The following FOXO3 variants were observed in gnomAD, a reference collection of about 807,000 sequenced individuals.
The protein encoded by FOXO3 is forkhead box O3.
A neutral mutation model predicts 41.9 loss-of-function variants in FOXO3; 4 were observed. The observed-to-expected ratio is 0.10, with a 90% confidence interval of 0.05 to 0.22. The LOEUF (loss-of-function observed/expected upper bound fraction) is 0.22, where lower values mean the gene tolerates loss of function less well. FOXO3 is among the 10% of genes least tolerant of loss of function. The pLI is 1.00. For synonymous variants in FOXO3, 318 were observed against 389.3 expected (o/e 0.82, Z 2.16); for missense variants, 534 against 906.8 (o/e 0.59, Z 5.28).
intron 1 of FOXO3, among the ~76,000 whole-genome samples, chr6:108,569,623 G>T (rs1169370542): frequency 2.0e-5 from 3 of 152,190 alleles, no homozygotes; most frequent in Non-Finnish European, 4.4e-5. Context: ...CTGCTGGGCT[G>T]TGGTTCTTCT....
chr6:108,569,709 G>A (rs1428104949), intron 1 of FOXO3, among the ~76,000 whole-genome samples: 1 of 152,132 alleles, frequency 6.6e-6, no homozygotes, highest in East Asian at 1.9e-4. Context: ...CCACACCTTG[G>A]TGTCCAGATG....
At chr6:108,578,566 C>T (rs1776323808) in intron 1 of FOXO3, among the ~76,000 whole-genome samples, 1 of 152,230 alleles carries the variant, frequency 6.6e-6, no homozygotes, top group Admixed American at 6.5e-5. Context: ...GAGGAAACCA[C>T]ATGTTCACCT....
chr6:108,603,388 G>A (rs983750839), intron 1 of FOXO3, among the ~76,000 whole-genome samples: 1 of 152,024 alleles, frequency 6.6e-6, no homozygotes, highest in Non-Finnish European at 1.5e-5. Context: ...CTACATGTTT[G>A]CAGCTAAAGA....
chr6:108,592,176 T>C (rs1024312425), intron 1 of FOXO3, among the ~76,000 whole-genome samples: 3 of 152,194 alleles, frequency 2.0e-5, no homozygotes, highest in Admixed American at 6.5e-5. Context: ...CAGGGAAATA[T>C]GAAATGTTTT....
intron 1 of FOXO3, among the ~76,000 whole-genome samples, chr6:108,576,597 C>G (rs1217359067): frequency 6.6e-6 from 1 of 152,200 alleles, no homozygotes; most frequent in Non-Finnish European, 1.5e-5. Context: ...TTACAATTCT[C>G]ATTTTTAAGA....
At chr6:108,635,371 G>C (rs1358119406) in intron 1 of FOXO3, among the ~76,000 whole-genome samples, 1 of 152,126 alleles carries the variant, frequency 6.6e-6, no homozygotes, top group Non-Finnish European at 1.5e-5. Context: ...GTAGAAAAGA[G>C]ATGGAATGAG....
At chr6:108,583,666 C>CTT (rs1156234811) in intron 1 of FOXO3, among the ~76,000 whole-genome samples, 1 of 152,202 alleles carries the variant, frequency 6.6e-6, no homozygotes, top group Non-Finnish European at 1.5e-5. Flanking sequence ...ATGCTAAGCT[C>CTT]TTCTTCAGGC....
At position 108,683,843 on chromosome 6, in the gene FOXO3, A is replaced by G. The variant is rs980477423; in HGVS notation, c.*4051A>G. ...AAAATTTTTTTTTGGTAGAAATGCA[A>G]TCACCAGTAAAGAGGTACGAAAAAG... On this transcript the variant is annotated 3_prime_UTR_variant, in exon 3 of 3. Coordinates refer to ENST00000406360, the MANE Select transcript of FOXO3 (RefSeq NM_001455.4). 14 of 152,402 alleles carry G rather than the reference A, an allele frequency of 9.2e-5. No homozygotes were observed. The highest frequency in any genetic ancestry group is 3.9e-4 in the Admixed American group (6 of 15,310). 9.4% of individuals were successfully genotyped at this position (152,402 alleles called of 1,614,324 possible).
At chr6:108,600,928 C>T (rs1777034344) in intron 1 of FOXO3, among the ~76,000 whole-genome samples, 1 of 152,206 alleles carries the variant, frequency 6.6e-6, no homozygotes, top group Non-Finnish European at 1.5e-5. Flanking sequence ...TATTGCAAAA[C>T]TGTAGTTCAC....
chr6:108,639,713 T>TATTG, intron 1 of FOXO3: 1 of 251,282 alleles, frequency 4.0e-6, no homozygotes, highest in South Asian at 1.5e-4. Context: ...CTTTTCTATT[T>TATTG]AATTTCAATA....
intron 1 of FOXO3, among the ~76,000 whole-genome samples, chr6:108,630,766 A>T (rs182541933): frequency 6.4e-4 from 97 of 151,988 alleles, no homozygotes; most frequent in Middle Eastern, 3.4e-3. Flanking sequence ...AAGTATTTTT[A>T]AAAAAAAGCT....
In FOXO3 at chr6:108,626,569, C is replaced by T. The variant is rs111304324; in HGVS notation, c.622-36886C>T. 2.9e-3 allele frequency among the ~76,000 whole-genome samples: 446 copies of T among 151,924 alleles called. 1 individual carries two copies. Among genetic ancestry groups the T allele is most frequent in the South Asian group, 8.3e-3 (40 of 4,808 alleles). On this transcript the variant is annotated intron_variant, in intron 1 of 2. Transcript: ENST00000406360. ...TTATAAGTTAGAATGGTACAGAGTG[C>T]TCTGCCTTCTCAGATTATTTTGTTT... is the stretch of plus-strand genomic sequence containing the variant.
intron 1 of FOXO3, among the ~76,000 whole-genome samples, chr6:108,607,561 A>G (rs1435320154): frequency 2.0e-5 from 3 of 151,854 alleles, no homozygotes; most frequent in Non-Finnish European, 4.4e-5. Context: ...ATGGAATTGT[A>G]AAATGTGCTT....
At chr6:108,560,916 C>A, upstream of FOXO3, 1 of 1,217,346 alleles carries the variant, frequency 8.2e-7, no homozygotes, top group Non-Finnish European at 1.0e-6. Context: ...GGCCGGGGGG[C>A]GGTGTCTGCT....
chr6:108,641,478 C>T (rs1048623759), intron 1 of FOXO3, among the ~76,000 whole-genome samples: 1 of 152,130 alleles, frequency 6.6e-6, no homozygotes, highest in Non-Finnish European at 1.5e-5. Context: ...CAGATAAACT[C>T]TAAAGCCTCT....
At chr6:108,672,078 C>T (rs1450222239) in intron 2 of FOXO3, among the ~76,000 whole-genome samples, 1 of 152,208 alleles carries the variant, frequency 6.6e-6, no homozygotes, top group African/African-American at 2.4e-5. Flanking sequence ...TGCCTTAGAG[C>T]CTCAAGCCTG....
intron 2 of FOXO3, among the ~76,000 whole-genome samples, chr6:108,676,327 A>T (rs1336906231): frequency 6.6e-6 from 1 of 152,092 alleles, no homozygotes; most frequent in African/African-American, 2.4e-5. Flanking sequence ...TTTCTTTTCA[A>T]AAGTTTTGCT....
intron 2 of FOXO3, 55 bp downstream of exon 2, chr6:108,664,944 T>C: frequency 1.4e-6 from 2 of 1,449,712 alleles, no homozygotes; most frequent in Non-Finnish European, 1.9e-6. Flanking sequence ...AGGGGGGATC[T>C]CTGGGGGAGC....
chr6:108,684,051 GTTGT>G lies in FOXO3; in HGVS notation c.*4260_*4263del. The G allele has an allele frequency of 6.6e-6, 1 of 152,624 alleles. No individual in the cohort carries two copies. Among genetic ancestry groups the G allele is most frequent in the African/African-American group, 2.4e-5 (1 of 41,448 alleles). The allele number at this position is 152,624 out of a possible 1,614,324, so 9.5% of individuals were successfully genotyped here. The stretch of plus-strand genomic sequence containing the variant: ...GAATGGAATATTTTCCTCTTGTTTA[GTTGT>G]ATCTGTTTGTATTTTTCTTTGATGA... On this transcript the variant is annotated 3_prime_UTR_variant, in exon 3 of 3. Coordinates refer to ENST00000406360, the MANE Select transcript of FOXO3 (RefSeq NM_001455.4).
Sources: gnomAD v4.1 joint callset for allele counts (sites outside exome capture counted in the v4.1 genomes callset) on GRCh38, gnomAD v4.1.1 for gene constraint, MANE v1.5 for transcripts, NCBI Gene and HGNC (gene_info 2026-07-23, HGNC 2026-07-21) for gene names.